The following PXDNL variants were observed in gnomAD, a reference collection of about 807,000 sequenced individuals.
PXDNL encodes probable oxidoreductase PXDNL.
In PXDNL, 145 loss-of-function variants were observed where a neutral mutation model predicts 150.8. That is an observed-to-expected ratio of 0.96 (90% confidence interval 0.84 to 1.10). PXDNL has a LOEUF of 1.10. Among genes scored for constraint, PXDNL ranks in the 50% least tolerant of loss-of-function variants. The pLI is 0.00. For missense variants in PXDNL, 2,087 were observed against 1,873.9 expected (o/e 1.11, Z -2.10); for synonymous variants, 757 against 725.7 (o/e 1.04, Z -0.69).
intron 1 of PXDNL, among the ~76,000 whole-genome samples, chr8:51,696,786 C>CACACACAGGT (rs1563510225): frequency 2.5e-5 from 2 of 79,322 alleles, no homozygotes; most frequent in Admixed American, 1.3e-4. Flanking sequence ...CACACACATA[C>CACACACAGGT]CCACCCACAC....
chr8:51,539,332 A>G (rs1334541912), intron 4 of PXDNL, among the ~76,000 whole-genome samples: 1 of 151,996 alleles, frequency 6.6e-6, no homozygotes, highest in African/African-American at 2.4e-5. Flanking sequence ...TGCATGATAT[A>G]TTTTTATCTT....
intron 1 of PXDNL, among the ~76,000 whole-genome samples, chr8:51,790,295 C>A (rs2037498625): frequency 6.6e-6 from 1 of 151,988 alleles, no homozygotes; most frequent in Non-Finnish European, 1.5e-5. Context: ...CTTTGTCAAC[C>A]ACACAGGCAT....
rs72638030 is a variant in PXDNL at position 51,468,558 on chromosome 8, T to C, written c.812+3629A>G. 4.2e-3 allele frequency among the ~76,000 whole-genome samples: 644 copies of C among 152,070 alleles called. 4 individuals are homozygous for C. Among genetic ancestry groups the C allele is most frequent in the Non-Finnish European group, 7.5e-3 (507 of 67,832 alleles). ...TAAAATTCAATATTATGTCTTCCAA[T>C]AGACTACTGTTTTCACGAATGTATT... is the stretch of plus-strand genomic sequence containing the variant. On this transcript the variant is annotated intron_variant, in intron 8 of 22. Transcript: ENST00000356297.
chr8:51,601,030 A>T (rs1298361691), intron 2 of PXDNL, among the ~76,000 whole-genome samples: 3 of 147,066 alleles, frequency 2.0e-5, no homozygotes, highest in Non-Finnish European at 4.5e-5. Context: ...TACATCTTAT[A>T]TAAATTATAT....
intron 17 of PXDNL, among the ~76,000 whole-genome samples, chr8:51,383,696 T>A (rs1807613321): frequency 6.6e-6 from 1 of 151,800 alleles, no homozygotes; most frequent in African/African-American, 2.4e-5. Context: ...AGTCTAGCTA[T>A]ATTTTAAAAA....
intron 4 of PXDNL, among the ~76,000 whole-genome samples, chr8:51,509,781 T>C (rs1018933481): frequency 2.0e-5 from 3 of 149,312 alleles, no homozygotes; most frequent in African/African-American, 4.9e-5. Flanking sequence ...CACAAATATA[T>C]ACACACACAC....
intron 8 of PXDNL, among the ~76,000 whole-genome samples, chr8:51,458,379 A>G (rs1349880892): frequency 6.6e-6 from 1 of 152,170 alleles, no homozygotes; most frequent in Non-Finnish European, 1.5e-5. Context: ...CTACTGACAC[A>G]GAAACATATG....
At chr8:51,435,620 A>C (rs1374632384) in intron 12 of PXDNL, 1 of 178,040 alleles carries the variant, frequency 5.6e-6, no homozygotes, top group African/African-American at 2.4e-5. Context: ...AACCAAGAGG[A>C]AACAGCATGG....
At chr8:51,380,219 G>A (rs1227419293) in intron 17 of PXDNL, among the ~76,000 whole-genome samples, 1 of 152,148 alleles carries the variant, frequency 6.6e-6, no homozygotes, top group Non-Finnish European at 1.5e-5. Flanking sequence ...TGGGCTGCGT[G>A]CCTCCCACAA....
chr8:51,727,535 G>C (rs1816837672), intron 1 of PXDNL, among the ~76,000 whole-genome samples: 1 of 152,138 alleles, frequency 6.6e-6, no homozygotes, highest in African/African-American at 2.4e-5. Flanking sequence ...TGAGAATATA[G>C]AGTTGTTAAA....
At chr8:51,373,650 G>A (rs1022052896) in intron 18 of PXDNL, among the ~76,000 whole-genome samples, 1 of 152,112 alleles carries the variant, frequency 6.6e-6, no homozygotes, top group Non-Finnish European at 1.5e-5. Flanking sequence ...TAAAGGGAAG[G>A]GATTTAAAGT....
intron 1 of PXDNL, among the ~76,000 whole-genome samples, chr8:51,746,493 T>A (rs2036985914): frequency 6.6e-6 from 1 of 152,172 alleles, no homozygotes; most frequent in Non-Finnish European, 1.5e-5. Context: ...TAGGGTATCA[T>A]TAACTTTCTT....
At chr8:51,733,393 AC>A (rs1361312101) in intron 1 of PXDNL, among the ~76,000 whole-genome samples, 1 of 152,154 alleles carries the variant, frequency 6.6e-6, no homozygotes, top group African/African-American at 2.4e-5. Flanking sequence ...AAAGATTTGC[AC>A]ACCCTATGTT....
At chr8:51,346,688 G>C (rs576037324) in intron 19 of PXDNL, among the ~76,000 whole-genome samples, 1 of 152,090 alleles carries the variant, frequency 6.6e-6, no homozygotes, top group Admixed American at 6.5e-5. Context: ...GAGATCTGTC[G>C]TTTACAAGTG....
chr8:51,597,933 C>T (rs1261240381), intron 2 of PXDNL, among the ~76,000 whole-genome samples: 1 of 152,042 alleles, frequency 6.6e-6, no homozygotes, highest in Non-Finnish European at 1.5e-5. Context: ...AGGATGGTCT[C>T]AAACTCCCAA....
In PXDNL at chr8:51,572,888, A is replaced by G. The variant is rs138814960; in HGVS notation, c.309-15977T>C. ...AATACAACTAGAAATCTTGGACATT[A>G]CATATAAGACAAACTAAAAGGCCTC... On this transcript the variant is annotated intron_variant, in intron 3 of 22. Coordinates refer to ENST00000356297, the MANE Select transcript of PXDNL (RefSeq NM_144651.5). Among the ~76,000 whole-genome samples, 3 of 152,068 alleles carry G rather than the reference A, an allele frequency of 2.0e-5. No individual in the cohort carries two copies. In the East Asian group the frequency reaches 5.8e-4, roughly 30 times the overall value.
intron 4 of PXDNL, among the ~76,000 whole-genome samples, chr8:51,526,939 T>C (rs1585550499): frequency 6.6e-6 from 1 of 152,298 alleles, no homozygotes; most frequent in East Asian, 1.9e-4. Context: ...GCCCTGGGAA[T>C]AACCATCATT....
At chr8:51,463,459 A>T (rs1488837905) in intron 8 of PXDNL, among the ~76,000 whole-genome samples, 2 of 152,312 alleles carry the variant, frequency 1.3e-5, no homozygotes, top group East Asian at 3.9e-4. Context: ...GAAAACAAAA[A>T]AGGGTAGGAG....
At position 51,592,632 on chromosome 8, in the gene PXDNL, T is replaced by C. The variant is rs1268543303; in HGVS notation, c.303A>G (p.Leu101=). 1.3e-6 allele frequency: 2 copies of C among 1,545,164 alleles called. No homozygotes were observed. The highest frequency in any genetic ancestry group is 1.7e-6 in the Non-Finnish European group (2 of 1,143,342). ...TGTTTTTTCTTATAACTTACAGATATAGCAAATTTTCAAGTCCTTCAAAAG... is the reference window on the plus strand; with the variant it reads ...TGTTTTTTCTTATAACTTACAGATACAGCAAATTTTCAAGTCCTTCAAAAG... ...RNAFEGLENL[L]YLYLYKNEIH... The change falls in exon 3 of 23, where the codon CTA becomes CTG. Residue 101 remains leucine, a synonymous_variant. Transcript: ENST00000356297.
Sources: gnomAD v4.1 joint callset for allele counts (sites outside exome capture counted in the v4.1 genomes callset) on GRCh38, gnomAD v4.1.1 for gene constraint, MANE v1.5 for transcripts, NCBI Gene and HGNC (gene_info 2026-07-23, HGNC 2026-07-21) for gene names.